Variants in RINT1 observed in about 807,000 individuals in gnomAD.
RINT1 encodes RAD50 interactor 1, also known as RAD50-interacting protein 1.
Under a neutral mutation model 97.7 loss-of-function variants are expected in RINT1, and 75 were observed. That is an observed-to-expected ratio of 0.77 (90% CI 0.64 to 0.93). The LOEUF (loss-of-function observed/expected upper bound fraction) is 0.93. Among genes scored for constraint, RINT1 ranks in the 40% least tolerant of loss-of-function variants. RINT1 has a pLI of 0.00. For synonymous variants in RINT1, 303 were observed against 326.3 expected, an observed-to-expected ratio of 0.93 and a Z score of 0.77; for missense variants, 892 against 925.2, an observed-to-expected ratio of 0.96 and a Z score of 0.47.
intron 3 of RINT1, 162 bp from the exon 4 acceptor site, chr7:105,542,246 G>C (rs2133372422): frequency 1.7e-6 from 1 of 596,856 alleles, no homozygotes; most frequent in South Asian, 2.1e-5. Flanking sequence ...GAGGTGGGAG[G>C]ATTGGTTGAG....
At position 105,559,449 on chromosome 7, in the gene RINT1, G is replaced by A. The variant is rs545592208; in HGVS notation, c.1671+4222G>A. 5.3e-5 allele frequency among the ~76,000 whole-genome samples: 8 copies of A among 149,638 alleles called. No homozygotes were observed. In the East Asian group the frequency reaches 9.8e-4, roughly 18 times the overall value. On this transcript the variant is annotated intron_variant, in intron 11 of 14. Coordinates refer to ENST00000257700, the MANE Select transcript of RINT1 (RefSeq NM_021930.6). ...CCAGCTACTCAGGAGGCTGAGACAGGAGAATTGCATGAACCTGGGAGGTGG... is the reference window on the plus strand; with the variant it reads ...CCAGCTACTCAGGAGGCTGAGACAGAAGAATTGCATGAACCTGGGAGGTGG...
intron 10 of RINT1, among the ~76,000 whole-genome samples, chr7:105,554,583 C>T (rs1421305885): frequency 6.6e-6 from 1 of 151,854 alleles, no homozygotes; most frequent in Non-Finnish European, 1.5e-5. Context: ...GGATTACAGG[C>T]ACACGCCACT....
At position 105,532,327 on chromosome 7, in the gene RINT1, C is replaced by T. The variant is rs1364267624; in HGVS notation, c.12C>T (p.Ala4=). The T allele has an allele frequency of 1.3e-6, 2 of 1,594,718 alleles. No homozygotes were observed. Among genetic ancestry groups the T allele is most frequent in the African/African-American group, 2.7e-5 (2 of 74,586 alleles). MLP[A]GEIGASPAAP... ...CGCGCGGAGGCGAGATGCTACCAGC[C>T]GGCGAGATCGGCGCCTCTCCTGCAG... Residue 4 remains alanine (A), a synonymous_variant, in exon 1 of 15, where the codon GCC becomes GCT. Coordinates refer to ENST00000257700, the MANE Select transcript of RINT1 (RefSeq NM_021930.6).
At chr7:105,532,954 T>A (rs2133349259) in intron 2 of RINT1, 85 bp downstream of exon 2, 2 of 1,236,252 alleles carry the variant, frequency 1.6e-6, no homozygotes, top group Non-Finnish European at 2.4e-6. Context: ...GTTCTTTGCC[T>A]ATCTTTTAGA....
Position 105,550,165 on chromosome 7 carries a change from G to T in RINT1, c.1107G>T (p.Arg369Ser). 6.2e-7 allele frequency: 1 copy of T among 1,609,610 alleles called. No homozygotes were observed. Among genetic ancestry groups the T allele is most frequent in the Non-Finnish European group, 8.5e-7 (1 of 1,176,268 alleles). The change falls in exon 8 of 15, where the codon AGG becomes AGT. Residue 369 changes from arginine (R) to serine (S), a missense_variant and splice_region_variant. Physicochemically the swap from Arg to Ser is moderately radical, Grantham distance 110. Coordinates refer to ENST00000257700, the MANE Select transcript of RINT1 (RefSeq NM_021930.6). Reference sequence around the variant, plus strand: ...AAGTAGGCTCTTTGGTAAACGCAAGGGTAAGAGACTCAGTCATAAGTGTTT... The same window carrying T: ...AAGTAGGCTCTTTGGTAAACGCAAGTGTAAGAGACTCAGTCATAAGTGTTT... ...LDKVGSLVNARLEFSRGLMML... is the reference protein window; with the variant it reads ...LDKVGSLVNASLEFSRGLMML...
chr7:105,560,556 T>C (rs1453193536), intron 11 of RINT1, among the ~76,000 whole-genome samples: 2 of 152,126 alleles, frequency 1.3e-5, no homozygotes. Flanking sequence ...TATAAAAAAA[T>C]TAACCACCAG....
At chr7:105,539,355 CTTTTTTT>C (rs56362601) in intron 3 of RINT1, among the ~76,000 whole-genome samples, 6 of 131,668 alleles carry the variant, frequency 4.6e-5, no homozygotes, top group Admixed American at 3.1e-4. Context: ...CTTTCCCACT[CTTTTTTT>C]TTTTTTTTTT....
At position 105,561,587 on chromosome 7, in the gene RINT1, G is replaced by A. The variant is rs141664776; in HGVS notation, c.1672-2146G>A. ...TTTTGTTGTCATTTTTTGAGACGGG[G>A]TTTCACTCTTGTCGCCCAGGCTAGG... On this transcript the variant is annotated intron_variant, in intron 11 of 14. Transcript: ENST00000257700. Among the ~76,000 whole-genome samples, 588 of 152,178 alleles carry A rather than the reference G, an allele frequency of 3.9e-3. 4 individuals carry two copies. The highest frequency in any genetic ancestry group is 0.028 in the South Asian group (135 of 4,820).
rs2133357994 is a variant in RINT1, at chr7:105,536,620, T to C, written c.144T>C (p.Asp48=). Reference sequence around the variant, plus strand: ...GTAAACAAGTCAGTGAAGGTACAGATAATGGTGATCTCCCTTCTTATGTGT... The same window carrying C: ...GTAAACAAGTCAGTGAAGGTACAGACAATGGTGATCTCCCTTCTTATGTGT... ...IGSKQVSEGT[D]NGDLPSYVSA... The change falls in exon 3 of 15, where the codon GAT becomes GAC. Residue 48 remains aspartate (D), a synonymous_variant. Transcript: ENST00000257700. 2.5e-6 allele frequency: 4 copies of C among 1,611,828 alleles called. No individual in the cohort carries two copies. Among genetic ancestry groups the C allele is most frequent in the Non-Finnish European group, 3.4e-6 (4 of 1,178,778 alleles).
intron 10 of RINT1, 21 bp from the exon 11 acceptor site, chr7:105,555,007 T>A (rs753821521): frequency 1.2e-6 from 2 of 1,602,444 alleles, no homozygotes; most frequent in African/African-American, 2.7e-5. Context: ...CCTTCATATG[T>A]CTTAATAACT....
At chr7:105,543,922 C>G (rs910452481) in intron 4 of RINT1, among the ~76,000 whole-genome samples, 14 of 150,478 alleles carry the variant, frequency 9.3e-5, no homozygotes, top group African/African-American at 3.4e-4. Flanking sequence ...AACCCCGTCT[C>G]TACTAAAAAT....
Position 105,542,510 on chromosome 7 carries a change from C to G in RINT1, c.376C>G (p.His126Asp). The G allele has an allele frequency of 6.2e-7, 1 of 1,614,140 alleles. No homozygotes were observed. Among genetic ancestry groups the G allele is most frequent in the Non-Finnish European group, 8.5e-7 (1 of 1,179,998 alleles). Residue 126 changes from histidine (H) to aspartate (D), a missense_variant, in exon 4 of 15, where the codon CAT (histidine) becomes GAT (aspartate). Physicochemically the swap from His to Asp is moderately conservative, Grantham distance 81. Coordinates refer to ENST00000257700, the MANE Select transcript of RINT1 (RefSeq NM_021930.6). ...FLNQFLEQET[H>D]LFSAINSHLL... is the part of the protein sequence containing the mutation. ...TAATCAGTTTCTGGAGCAGGAAACTCATCTCTTCAGCGCCATTAACAGCCA... is the reference window on the plus strand; with the variant it reads ...TAATCAGTTTCTGGAGCAGGAAACTGATCTCTTCAGCGCCATTAACAGCCA...
At chr7:105,539,713 G>A (rs1289187245) in intron 3 of RINT1, among the ~76,000 whole-genome samples, 1 of 152,094 alleles carries the variant, frequency 6.6e-6, no homozygotes, top group Non-Finnish European at 1.5e-5. Context: ...AGGCAGATTG[G>A]GAGCTTTGTA....
chr7:105,545,369 T>C (rs1212001942), intron 4 of RINT1, among the ~76,000 whole-genome samples: 1 of 151,402 alleles, frequency 6.6e-6, no homozygotes, highest in Non-Finnish European at 1.5e-5. Context: ...GGAGGATCGC[T>C]TGAGCCCCGA....
chr7:105,554,971 T>C (rs984104952), intron 10 of RINT1, 57 bp from the exon 11 acceptor site: 5 of 1,392,012 alleles, frequency 3.6e-6, no homozygotes, highest in Non-Finnish European at 4.0e-6. Flanking sequence ...GGAAAACTTA[T>C]AACTATATCA....
rs1349778867 is a variant in RINT1, at chr7:105,551,711, A to C, written c.1471+4A>C. Reference sequence around the variant, plus strand: ...ACTCTACTCTTGGTTATAACTGGTAAGTATGTCTTTTAAGATATGACTTTG... The same window carrying C: ...ACTCTACTCTTGGTTATAACTGGTACGTATGTCTTTTAAGATATGACTTTG... On this transcript the variant is annotated splice_donor_region_variant and intron_variant, in intron 10 of 14. Transcript: ENST00000257700. The C allele has an allele frequency of 6.3e-7, 1 of 1,587,308 alleles. No homozygotes were observed. The highest frequency in any genetic ancestry group is 1.4e-5 in the African/African-American group (1 of 73,574).
At position 105,547,274 on chromosome 7, in the gene RINT1, C is replaced by G. The variant is rs902857526; in HGVS notation, c.780C>G (p.Ala260=). The change falls in exon 6 of 15, where the codon GCC becomes GCG. Residue 260 remains alanine, a synonymous_variant. Transcript: ENST00000257700. ...QTVGLSRPAS[A]PEIYSYLETL... Reference sequence around the variant, plus strand: ...TTGGCTTAAGTCGACCTGCCAGTGCCCCGGAGATATACAGTTACCTGGAGA... The same window carrying G: ...TTGGCTTAAGTCGACCTGCCAGTGCGCCGGAGATATACAGTTACCTGGAGA... 1.2e-6 allele frequency: 2 copies of G among 1,614,140 alleles called. No homozygotes were observed. Among genetic ancestry groups the G allele is most frequent in the South Asian group, 2.2e-5 (2 of 91,080 alleles).
Position 105,532,340 on chromosome 7 carries a change from G to A in RINT1, c.25G>A (p.Ala9Thr). The change falls in exon 1 of 15, where the codon GCC (alanine) becomes ACC (threonine). Residue 9 changes from alanine to threonine, a missense_variant. By Grantham distance (58) the Ala-to-Thr change is moderately conservative (BLOSUM62 0). Transcript: ENST00000257700. Reference sequence around the variant, plus strand: ...GATGCTACCAGCCGGCGAGATCGGCGCCTCTCCTGCAGCCCCGGTGAGACG... The same window carrying A: ...GATGCTACCAGCCGGCGAGATCGGCACCTCTCCTGCAGCCCCGGTGAGACG... Reference protein sequence around the residue: MLPAGEIGASPAAPCCSES... With the variant: MLPAGEIGTSPAAPCCSES... The A allele has an allele frequency of 1.3e-6, 2 of 1,599,264 alleles. No individual in the cohort carries two copies. The highest frequency in any genetic ancestry group is 1.7e-6 in the Non-Finnish European group (2 of 1,174,792).
At chr7:105,533,406 G>A (rs1159717369) in intron 2 of RINT1, among the ~76,000 whole-genome samples, 2 of 152,148 alleles carry the variant, frequency 1.3e-5, no homozygotes, top group South Asian at 2.1e-4. Context: ...TCCCTAGTAC[G>A]GGAGTATATG....
Sources: gnomAD v4.1 joint callset for allele counts (sites outside exome capture counted in the v4.1 genomes callset) on GRCh38, gnomAD v4.1.1 for gene constraint, MANE v1.5 for transcripts, NCBI Gene and HGNC (gene_info 2026-07-23, HGNC 2026-07-21) for gene names.